NYAP2: variants seen among roughly 807,000 people sequenced by gnomAD.
NYAP2 encodes neuronal tyrosine-phosphorylated phosphoinositide-3-kinase adaptor 2, also known as neuronal tyrosine-phosphorylated phosphoinositide-3-kinase adapter 2.
In NYAP2, 23 loss-of-function variants were observed where a neutral mutation model predicts 50.4. The observed-to-expected ratio is 0.46, with a 90% CI of 0.33 to 0.65. The LOEUF (loss-of-function observed/expected upper bound fraction) is 0.65, where lower values mean the gene tolerates loss of function less well. Among genes scored for constraint, NYAP2 ranks in the 30% least tolerant of loss-of-function variants. The probability of loss-of-function intolerance (pLI) is 0.02; values close to 1 mark genes in which losing one functional copy is unlikely to be tolerated. For missense variants in NYAP2, 885 were observed against 861.0 expected, an observed-to-expected ratio of 1.03 and a Z score of -0.35; for synonymous variants, 394 against 365.2, an observed-to-expected ratio of 1.08 and a Z score of -0.90.
Position 225,527,681 on chromosome 2 carries a change from T to A in NYAP2, c.523+14009T>A, listed in dbSNP as rs1463785468. Among the ~76,000 whole-genome samples, 3 of 152,036 alleles carry A rather than the reference T, an allele frequency of 2.0e-5. No individual in the cohort carries two copies. The East Asian group carries it at 5.8e-4, about 29-fold the overall frequency. ...TTATTCTGTGACAGGGTCTTTCTTC[T>A]CTGTTGCGCAGGCTGGGGCACAGTG... On this transcript the variant is annotated intron_variant, in intron 4 of 6. Coordinates refer to ENST00000636099, the Ensembl canonical transcript of NYAP2.
At chr2:225,466,055 G>C (rs73082883) in intron 3 of NYAP2, among the ~76,000 whole-genome samples, 3,096 of 152,274 alleles carry the variant, frequency 0.02, 114 homozygotes, top group African/African-American at 0.071. Context: ...CCTGGCAGCC[G>C]GAACCAGCCA....
chr2:225,581,950 A>C, exon 5 of NYAP2: 1 of 1,599,100 alleles, frequency 6.3e-7, no homozygotes, highest in Non-Finnish European at 8.6e-7. Context: ...GCGTCAGCTA[A>C]ACCAAGACCC....
chr2:225,531,794 T>A (rs936081524), intron 4 of NYAP2, among the ~76,000 whole-genome samples: 3 of 152,202 alleles, frequency 2.0e-5, no homozygotes, highest in African/African-American at 7.2e-5. Context: ...CAGCAACCAC[T>A]CTGAATGATG....
downstream of NYAP2, among the ~76,000 whole-genome samples, chr2:225,658,562 CA>C (rs1372144301): frequency 2.6e-5 from 4 of 152,048 alleles, no homozygotes; most frequent in African/African-American, 7.2e-5. Flanking sequence ...GATCTATTAC[CA>C]AGTACTATAG....
the NYAP2 span, chr2:225,700,058 T>C: frequency 1.3e-5 from 2 of 151,874 alleles, no homozygotes; most frequent in Non-Finnish European, 2.9e-5. Flanking sequence ...TTGACAGCAA[T>C]AGTTCAGTGC....
At chr2:225,679,308 T>A in the NYAP2 span, among the ~76,000 whole-genome samples, 1 of 152,122 alleles carries the variant, frequency 6.6e-6, no homozygotes, top group Non-Finnish European at 1.5e-5. Context: ...TTTGCATTAA[T>A]TATATATGGT....
intron 3 of NYAP2, among the ~76,000 whole-genome samples, chr2:225,469,056 A>G (rs1689970324): frequency 6.6e-6 from 1 of 152,264 alleles, no homozygotes; most frequent in Non-Finnish European, 1.5e-5. Context: ...ACAGCAAAAG[A>G]AACTATCATC....
At chr2:225,695,486 A>T in the NYAP2 span, among the ~76,000 whole-genome samples, 1 of 151,682 alleles carries the variant, frequency 6.6e-6, no homozygotes, top group South Asian at 2.1e-4. Flanking sequence ...TTTTTGAGAG[A>T]CAACAAAAAC....
chr2:225,661,719 GCTCT>G, the NYAP2 span, among the ~76,000 whole-genome samples: 18 of 136,856 alleles, frequency 1.3e-4, no homozygotes, highest in African/African-American at 4.5e-4. Flanking sequence ...TTTTGAATTT[GCTCT>G]CTCTTTTTTT....
At chr2:225,470,852 A>G (rs1387542744) in intron 3 of NYAP2, among the ~76,000 whole-genome samples, 1 of 151,834 alleles carries the variant, frequency 6.6e-6, no homozygotes, top group African/African-American at 2.4e-5. Flanking sequence ...GGGTCTCTCT[A>G]TGTTGCCTAG....
At chr2:225,664,728 T>A in the NYAP2 span, among the ~76,000 whole-genome samples, 1 of 151,686 alleles carries the variant, frequency 6.6e-6, no homozygotes, top group Non-Finnish European at 1.5e-5. Context: ...CAAAAAAAAT[T>A]AGCCGGGCGT....
At chr2:225,459,425 C>T (rs1689788940) in intron 3 of NYAP2, among the ~76,000 whole-genome samples, 1 of 152,152 alleles carries the variant, frequency 6.6e-6, no homozygotes. Context: ...CTCCAAAAAT[C>T]TGTTAAGAAA....
chr2:225,627,713 TA>T (rs1693233667), intron 6 of NYAP2, among the ~76,000 whole-genome samples: 1 of 152,198 alleles, frequency 6.6e-6, no homozygotes, highest in East Asian at 1.9e-4. Flanking sequence ...TGTCACAAGT[TA>T]AAATTAAAAT....
At chr2:225,399,314 A>T (rs117901994), upstream of NYAP2, among the ~76,000 whole-genome samples, 166 of 152,202 alleles carry the variant, frequency 1.1e-3, 4 homozygotes, top group East Asian at 0.032. Context: ...AGCCAGTATG[A>T]GAAAAACTTT....
chr2:225,627,159 T>C, intron 6 of NYAP2, 33 bp downstream of exon 6: 1 of 1,469,226 alleles, frequency 6.8e-7, no homozygotes, highest in South Asian at 1.2e-5. Context: ...AGAAGGTAAT[T>C]CCTCCTGTCT....
At chr2:225,442,405 C>A (rs1689485920) in intron 3 of NYAP2, among the ~76,000 whole-genome samples, 1 of 152,058 alleles carries the variant, frequency 6.6e-6, no homozygotes, top group Non-Finnish European at 1.5e-5. Flanking sequence ...TCTTATATTG[C>A]TACTTTGACT....
the NYAP2 span, chr2:225,699,655 A>G: frequency 6.6e-6 from 1 of 151,814 alleles, no homozygotes; most frequent in African/African-American, 2.4e-5. Flanking sequence ...TCTGGGTCAT[A>G]ATCTTCTGTA....
chr2:225,622,571 CTTTCTTTCT>C (rs1693136562), intron 5 of NYAP2, among the ~76,000 whole-genome samples: 1 of 57,066 alleles, frequency 1.8e-5, no homozygotes, highest in Non-Finnish European at 3.9e-5. Flanking sequence ...TTCTTTCTTT[CTTTCTTTCT>C]TCTTTCTTTT....
the NYAP2 span, chr2:225,703,225 C>T: frequency 5.3e-5 from 8 of 151,562 alleles, no homozygotes; most frequent in East Asian, 1.9e-4. Context: ...TAGTGGATAA[C>T]GGCACTACAT....
Sources: gnomAD v4.1 joint callset for allele counts (sites outside exome capture counted in the v4.1 genomes callset) on GRCh38, gnomAD v4.1.1 for gene constraint, MANE v1.5 for transcripts, NCBI Gene and HGNC (gene_info 2026-07-23, HGNC 2026-07-21) for gene names.